SLC2A10: variants seen among roughly 807,000 people sequenced by gnomAD.
The protein encoded by SLC2A10 is solute carrier family 2 member 10.
Under a neutral mutation model 32.1 loss-of-function variants are expected in SLC2A10, and 25 were observed. The observed-to-expected ratio is 0.78, with a 90% CI of 0.57 to 1.09. SLC2A10 has a LOEUF of 1.09. Among genes scored for constraint, SLC2A10 ranks in the 50% least tolerant of loss-of-function variants. SLC2A10 has a pLI of 0.00. For synonymous variants in SLC2A10, 332 were observed against 309.6 expected (o/e 1.07, Z -0.76); for missense variants, 673 against 686.5 (o/e 0.98, Z 0.22).
chr20:46,729,400 G>C lies in SLC2A10; in HGVS notation c.1459G>C (p.Val487Leu), dbSNP rs1600671722. ...CTTCCTGCTCTACGGACTGACCGCTGTCCTCGGCCTGGGCTTCATCTATTT... is the reference window on the plus strand; with the variant it reads ...CTTCCTGCTCTACGGACTGACCGCTCTCCTCGGCCTGGGCTTCATCTATTT... ...WTFLLYGLTA[V>L]LGLGFIYLFV... is the part of the protein sequence containing the mutation. Residue 487 changes from valine (V) to leucine (L), a missense_variant, in exon 4 of 5, where the codon GTC becomes CTC. Val to Leu is a conservative substitution (Grantham distance 32, BLOSUM62 1). Transcript: ENST00000359271. 1.2e-6 allele frequency: 2 copies of C among 1,614,002 alleles called. No individual in the cohort carries two copies. Among genetic ancestry groups the C allele is most frequent in the Non-Finnish European group, 8.5e-7 (1 of 1,180,016 alleles).
In SLC2A10 at chr20:46,735,203, G is replaced by T. The variant is rs1422046682; in HGVS notation, c.*1369G>T. The T allele has an allele frequency of 6.6e-6, 1 of 152,566 alleles. No individual in the cohort carries two copies. 9.5% of individuals were successfully genotyped at this position (152,566 alleles called of 1,614,324 possible). On this transcript the variant is annotated 3_prime_UTR_variant, in exon 5 of 5. Coordinates refer to ENST00000359271, the MANE Select transcript of SLC2A10 (RefSeq NM_030777.4). Reference sequence around the variant, plus strand: ...AATGAAGAGCTAAAATAGATCCTAGGTGCTGGATGCTTTGTCATCCATGCG... The same window carrying T: ...AATGAAGAGCTAAAATAGATCCTAGTTGCTGGATGCTTTGTCATCCATGCG...
At chr20:46,729,215 C>T (rs1873199547) in intron 3 of SLC2A10, 138 bp from the exon 4 acceptor site, 5 of 1,043,338 alleles carry the variant, frequency 4.8e-6, no homozygotes, top group Non-Finnish European at 3.0e-6. Context: ...TTATTGGTCA[C>T]TCTGCAAATT....
chr20:46,729,938 G>A (rs1980208343), intron 4 of SLC2A10, among the ~76,000 whole-genome samples: 1 of 152,150 alleles, frequency 6.6e-6, no homozygotes. Context: ...CCGGCACTAT[G>A]AGTTTTGTCC....
rs1980539791 is a variant in SLC2A10 at position 46,735,836 on chromosome 20, C to T, written c.*2002C>T. On this transcript the variant is annotated 3_prime_UTR_variant, in exon 5 of 5. Coordinates refer to ENST00000359271, the MANE Select transcript of SLC2A10 (RefSeq NM_030777.4). ...TATTCTTCCAGTAGTTGAACACTGT[C>T]ATCCGTTTCAGCTGACAGCTGCTCA... 1 of 152,258 alleles carries T rather than the reference C, an allele frequency of 6.6e-6. No homozygotes were observed. Among genetic ancestry groups the T allele is most frequent in the Non-Finnish European group, 1.5e-5 (1 of 68,052 alleles). The allele number at this position is 152,258 out of a possible 1,614,324, so 9.4% of individuals were successfully genotyped here.
At chr20:46,722,697 C>A (rs2425903) in intron 1 of SLC2A10, among the ~76,000 whole-genome samples, 3 of 152,126 alleles carry the variant, frequency 2.0e-5, no homozygotes, top group Non-Finnish European at 4.4e-5. Flanking sequence ...TAAAGTTTCT[C>A]ACACTATGCC....
In SLC2A10 at chr20:46,725,721, C is replaced by A. The variant is rs756457861; in HGVS notation, c.685C>A (p.Arg229=). The A allele has an allele frequency of 1.2e-6, 2 of 1,614,138 alleles. No individual in the cohort carries two copies. The highest frequency in any genetic ancestry group is 2.2e-5 in the South Asian group (2 of 91,088). Residue 229 remains arginine, a synonymous_variant, in exon 2 of 5, where the codon CGA becomes AGA. Coordinates refer to ENST00000359271, the MANE Select transcript of SLC2A10 (RefSeq NM_030777.4). ...CCTCTTCAGGGCACGCGATAACATG[C>A]GAGGCCGGACCACAGTGGGCCTGGG... ...LDLFRARDNM[R]GRTTVGLGLV...
rs1234583818 is a variant in SLC2A10 at position 46,735,325 on chromosome 20, G to C, written c.*1491G>C. 2.0e-5 allele frequency: 3 copies of C among 152,600 alleles called. No homozygotes were observed. The highest frequency in any genetic ancestry group is 7.2e-5 in the African/African-American group (3 of 41,428). The allele number at this position is 152,600 out of a possible 1,614,324, so 9.5% of individuals were successfully genotyped here. On this transcript the variant is annotated 3_prime_UTR_variant, in exon 5 of 5. Transcript: ENST00000359271. ...ATGCTTCCCTTGTATCCAGTGATGT[G>C]CTGGAGCTGGCTTTGCCAAGCTTGT...
chr20:46,710,565 G>T (rs1600653307), intron 1 of SLC2A10: 1 of 151,580 alleles, frequency 6.6e-6, no homozygotes, highest in African/African-American at 2.5e-5. Context: ...TGGGTAGGTG[G>T]TCAGGGTGGG....
chr20:46,714,722 A>G (rs1242187240), intron 1 of SLC2A10: 3 of 152,512 alleles, frequency 2.0e-5, no homozygotes, highest in East Asian at 1.9e-4. Context: ...AGGCCAGCCC[A>G]TGAAGGGCCT....
At chr20:46,717,019 T>TA (rs997573615) in intron 1 of SLC2A10, among the ~76,000 whole-genome samples, 6 of 150,998 alleles carry the variant, frequency 4.0e-5, no homozygotes, top group East Asian at 3.9e-4. Context: ...TAAGACTGTC[T>TA]AAAAAAAAAG....
intron 2 of SLC2A10, among the ~76,000 whole-genome samples, chr20:46,726,573 C>T (rs1317634331): frequency 6.6e-6 from 1 of 152,168 alleles, no homozygotes; most frequent in South Asian, 2.1e-4. Flanking sequence ...CCTTAAAGCC[C>T]GGATAGCTCA....
chr20:46,725,760 C>T lies in SLC2A10; in HGVS notation c.724C>T (p.Gln242Ter), dbSNP rs1383389382. The T allele has an allele frequency of 1.2e-6, 2 of 1,614,196 alleles. No individual in the cohort carries two copies. The highest frequency in any genetic ancestry group is 1.7e-6 in the Non-Finnish European group (2 of 1,180,016). The change falls in exon 2 of 5, where the codon CAG (glutamine) becomes TAG (stop). Residue 242 changes from glutamine (Q) to a stop codon, truncating the protein, a stop_gained. Coordinates refer to ENST00000359271, the MANE Select transcript of SLC2A10 (RefSeq NM_030777.4). LOFTEE classifies it high-confidence loss of function. Reference sequence around the variant, plus strand: ...AGTGGGCCTGGGGCTGGTGCTCTTCCAGCAACTAACAGGGCAGCCCAACGT... The same window carrying T: ...AGTGGGCCTGGGGCTGGTGCTCTTCTAGCAACTAACAGGGCAGCCCAACGT... ...TTVGLGLVLF[Q>*]QLTGQPNVLC...
At chr20:46,714,623 G>C (rs996899032) in intron 1 of SLC2A10, 2 of 152,844 alleles carry the variant, frequency 1.3e-5, no homozygotes, top group Non-Finnish European at 2.9e-5. Flanking sequence ...AAAGCATACA[G>C]TATGTGCCGG....
intron 1 of SLC2A10, among the ~76,000 whole-genome samples, chr20:46,714,169 T>C (rs1279652825): frequency 2.0e-5 from 3 of 151,968 alleles, no homozygotes; most frequent in Non-Finnish European, 4.4e-5. Context: ...CAGGAATCCT[T>C]CATTGGGGAA....
intron 1 of SLC2A10, among the ~76,000 whole-genome samples, chr20:46,723,606 T>C (rs1381953232): frequency 1.3e-5 from 2 of 152,246 alleles, no homozygotes; most frequent in East Asian, 3.8e-4. Flanking sequence ...ACCTCATTCC[T>C]GGCTGAAGCC....
Position 46,734,020 on chromosome 20 carries a change from A to G in SLC2A10, c.*186A>G, listed in dbSNP as rs1209802094. The G allele has an allele frequency of 4.5e-6, 3 of 659,750 alleles. No homozygotes were observed. The highest frequency in any genetic ancestry group is 2.7e-5 in the East Asian group (1 of 36,450). 40.9% of individuals were successfully genotyped at this position (659,750 alleles called of 1,614,324 possible). ...TGAGAATGCCCAACTCTTCATTTTG[A>G]GTCTCAGGCCCTGAAGGTTCCTGAG... On this transcript the variant is annotated 3_prime_UTR_variant, in exon 5 of 5. Coordinates refer to ENST00000359271, the MANE Select transcript of SLC2A10 (RefSeq NM_030777.4).
Position 46,725,401 on chromosome 20 carries a change from A to G in SLC2A10, c.365A>G (p.Tyr122Cys), listed in dbSNP as rs1979838213. Reference sequence around the variant, plus strand: ...CTCTCCTCCATGGCTTGCTGTATCTACGTGTCAGAGCTGGTGGGGCCACGG... The same window carrying G: ...CTCTCCTCCATGGCTTGCTGTATCTGCGTGTCAGAGCTGGTGGGGCCACGG... ...ISLSSMACCI[Y>C]VSELVGPRQR... The change falls in exon 2 of 5, where the codon TAC becomes TGC. Residue 122 changes from tyrosine (Y) to cysteine (C), a missense_variant. Physicochemically the swap from Tyr to Cys is radical, Grantham distance 194. Coordinates refer to ENST00000359271, the MANE Select transcript of SLC2A10 (RefSeq NM_030777.4). 1.2e-6 allele frequency: 2 copies of G among 1,614,114 alleles called. No individual in the cohort carries two copies. Among genetic ancestry groups the G allele is most frequent in the East Asian group, 2.2e-5 (1 of 44,870 alleles).
In SLC2A10 at chr20:46,734,013, C is replaced by A. The variant is rs1417680354; in HGVS notation, c.*179C>A. 1.5e-6 allele frequency: 1 copy of A among 668,348 alleles called. No homozygotes were observed. The highest frequency in any genetic ancestry group is 2.7e-6 in the Non-Finnish European group (1 of 370,614). 41.4% of individuals were successfully genotyped at this position (668,348 alleles called of 1,614,324 possible). On this transcript the variant is annotated 3_prime_UTR_variant, in exon 5 of 5. Coordinates refer to ENST00000359271, the MANE Select transcript of SLC2A10 (RefSeq NM_030777.4). ...GAAAGTCTGAGAATGCCCAACTCTT[C>A]ATTTTGAGTCTCAGGCCCTGAAGGT...
At chr20:46,718,033 G>T (rs1347866294) in intron 1 of SLC2A10, among the ~76,000 whole-genome samples, 1 of 151,982 alleles carries the variant, frequency 6.6e-6, no homozygotes, top group Non-Finnish European at 1.5e-5. Context: ...ACCAGCCTGG[G>T]CAATGTAGTG....
Sources: gnomAD v4.1 joint callset for allele counts (sites outside exome capture counted in the v4.1 genomes callset) on GRCh38, gnomAD v4.1.1 for gene constraint, MANE v1.5 for transcripts, NCBI Gene and HGNC (gene_info 2026-07-23, HGNC 2026-07-21) for gene names.